The following ZNF644 variants were observed in gnomAD, a reference collection of about 807,000 sequenced individuals.
ZNF644 encodes zinc finger motif enhancer binding protein 2.
ZNF644 carries 20 observed loss-of-function variants against 108.0 expected under a neutral mutation model. The observed-to-expected ratio is 0.19, with a 90% CI of 0.13 to 0.27. ZNF644 has a LOEUF of 0.27. ZNF644 is among the 10% of genes least tolerant of loss of function. ZNF644 has a pLI of 1.00. For missense variants in ZNF644, 1,338 were observed against 1,548.9 expected (o/e 0.86, Z 2.29); for synonymous variants, 542 against 539.1 (o/e 1.01, Z -0.08).
intron 1 of ZNF644, among the ~76,000 whole-genome samples, chr1:91,018,465 T>C (rs903256673): frequency 1.3e-5 from 2 of 152,238 alleles, no homozygotes; most frequent in African/African-American, 2.4e-5. Context: ...TATGTATCCA[T>C]AGTATTACAG....
intron 2 of ZNF644, among the ~76,000 whole-genome samples, chr1:90,957,613 A>C (rs930423310): frequency 6.6e-6 from 1 of 152,198 alleles, no homozygotes; most frequent in African/African-American, 2.4e-5. Flanking sequence ...TCAGCAAATG[A>C]GTAATAAAAG....
chr1:90,974,962 G>T (rs147770979), intron 2 of ZNF644, among the ~76,000 whole-genome samples: 225 of 152,210 alleles, frequency 1.5e-3, no homozygotes, highest in African/African-American at 5.2e-3. Flanking sequence ...TTCAGTTCCA[G>T]CAATCTTCCC....
intron 4 of ZNF644, among the ~76,000 whole-genome samples, chr1:90,933,263 T>C (rs758997047): frequency 6.6e-6 from 1 of 152,190 alleles, no homozygotes; most frequent in Non-Finnish European, 1.5e-5. Context: ...GAATGGAACA[T>C]TAACTCCTCT....
chr1:90,917,912 G>A (rs1047894726), intron 5 of ZNF644, 140 bp downstream of exon 5: 13 of 730,728 alleles, frequency 1.8e-5, no homozygotes, highest in Non-Finnish European at 2.7e-5. Flanking sequence ...AAGATTTTAA[G>A]CCTATCTCCA....
intron 1 of ZNF644, among the ~76,000 whole-genome samples, chr1:91,007,319 T>C (rs1659553837): frequency 8.0e-6 from 1 of 125,420 alleles, no homozygotes; most frequent in African/African-American, 3.0e-5. Flanking sequence ...CACTGCAACC[T>C]CCACCTCCCA....
chr1:91,009,969 C>A (rs1291715688), intron 1 of ZNF644, among the ~76,000 whole-genome samples: 1 of 152,020 alleles, frequency 6.6e-6, no homozygotes, highest in Admixed American at 6.6e-5. Context: ...TCTTAATATA[C>A]CCTTCCCACT....
At chr1:90,998,582 A>G (rs1658420817) in intron 1 of ZNF644, among the ~76,000 whole-genome samples, 1 of 152,222 alleles carries the variant, frequency 6.6e-6, no homozygotes, top group Non-Finnish European at 1.5e-5. Flanking sequence ...AGGTAGATAA[A>G]ACCACAAAGA....
chr1:90,932,307 CT>C (rs1650819349), intron 4 of ZNF644, among the ~76,000 whole-genome samples: 1 of 152,086 alleles, frequency 6.6e-6, no homozygotes, highest in South Asian at 2.1e-4. Flanking sequence ...GGTATCTAAG[CT>C]TTGTATTCAA....
At chr1:90,992,801 C>T (rs1657770157) in intron 1 of ZNF644, among the ~76,000 whole-genome samples, 1 of 152,174 alleles carries the variant, frequency 6.6e-6, no homozygotes, top group African/African-American at 2.4e-5. Flanking sequence ...AATCCCAGCA[C>T]TTTGGGAGGT....
At chr1:90,991,458 T>C (rs984063576) in intron 1 of ZNF644, among the ~76,000 whole-genome samples, 4 of 152,198 alleles carry the variant, frequency 2.6e-5, no homozygotes, top group Admixed American at 6.5e-5. Context: ...TGAAAGCATA[T>C]GTCCATACAA....
intron 2 of ZNF644, among the ~76,000 whole-genome samples, chr1:90,957,040 G>A (rs1390306320): frequency 6.6e-6 from 1 of 151,876 alleles, no homozygotes; most frequent in Non-Finnish European, 1.5e-5. Flanking sequence ...CCAAAAAATT[G>A]GATAATCTAG....
Position 90,980,225 on chromosome 1 carries a change from C to T in ZNF644, c.44+2085G>A, listed in dbSNP as rs376284937. 3.3e-4 allele frequency among the ~76,000 whole-genome samples: 51 copies of T among 152,310 alleles called. No individual in the cohort carries two copies. In the East Asian group the frequency reaches 7.5e-3, roughly 22 times the overall value. On this transcript the variant is annotated intron_variant, in intron 2 of 5. Coordinates refer to ENST00000337393, the MANE Select transcript of ZNF644 (RefSeq NM_201269.3). ...ATAAAGAAGACAAACTACGGCCAGG[C>T]ATGGCTTAAAGGATCAGATGATGCT...
chr1:90,994,160 G>A (rs1657902866), intron 1 of ZNF644, among the ~76,000 whole-genome samples: 1 of 152,216 alleles, frequency 6.6e-6, no homozygotes, highest in African/African-American at 2.4e-5. Context: ...ACAGTTATGA[G>A]AACGATGTAG....
chr1:91,021,826 G>C (rs1570608279), intron 1 of ZNF644, 164 bp downstream of exon 1: 1 of 396,044 alleles, frequency 2.5e-6, no homozygotes, highest in East Asian at 3.6e-5. Flanking sequence ...GCGTCCTTTT[G>C]GATGGCTGGG....
intron 2 of ZNF644, among the ~76,000 whole-genome samples, chr1:90,955,940 C>T (rs1653711596): frequency 6.6e-6 from 1 of 152,186 alleles, no homozygotes; most frequent in Non-Finnish European, 1.5e-5. Flanking sequence ...AAGCTTAATT[C>T]TAGGTTTTGA....
At chr1:90,962,888 C>A (rs1654472286) in intron 2 of ZNF644, among the ~76,000 whole-genome samples, 1 of 151,930 alleles carries the variant, frequency 6.6e-6, no homozygotes, top group South Asian at 2.1e-4. Flanking sequence ...GTCCTTGGAG[C>A]AAGGAAAGAC....
At chr1:90,968,674 G>T (rs909674265) in intron 2 of ZNF644, among the ~76,000 whole-genome samples, 2 of 151,950 alleles carry the variant, frequency 1.3e-5, no homozygotes, top group Admixed American at 1.3e-4. Flanking sequence ...ATTTAAAGTG[G>T]GTTGAATAAA....
intron 2 of ZNF644, among the ~76,000 whole-genome samples, chr1:90,954,070 G>A (rs1166419992): frequency 6.6e-6 from 1 of 152,150 alleles, no homozygotes; most frequent in Non-Finnish European, 1.5e-5. Context: ...GAAGGTTGGG[G>A]TGGCTGTGGC....
chr1:90,977,732 T>C (rs1174131240), intron 2 of ZNF644, among the ~76,000 whole-genome samples: 1 of 152,190 alleles, frequency 6.6e-6, no homozygotes, highest in Non-Finnish European at 1.5e-5. Context: ...TGCTACAAAT[T>C]ATCCTGACAC....
Sources: allele counts gnomAD v4.1 joint callset (sites outside exome capture counted in the v4.1 genomes callset), GRCh38; gene constraint gnomAD v4.1.1; transcripts MANE v1.5; gene names NCBI Gene and HGNC (gene_info 2026-07-23, HGNC 2026-07-21).